Variants in SRD5A3 observed in about 807,000 individuals in gnomAD.
SRD5A3 encodes the protein polyprenal reductase.
SRD5A3 carries 24 observed loss-of-function variants against 34.3 expected under a neutral mutation model. That is an observed-to-expected ratio of 0.70 (90% CI 0.51 to 0.99). The LOEUF is 0.99. Among genes scored for constraint, SRD5A3 ranks in the 50% least tolerant of loss-of-function variants. The probability of loss-of-function intolerance (pLI) is 0.00; values close to 1 mark genes in which losing one functional copy is unlikely to be tolerated. For missense variants in SRD5A3, 350 were observed against 388.2 expected (o/e 0.90, Z 0.83); for synonymous variants, 161 against 167.3 (o/e 0.96, Z 0.29).
At chr4:55,349,125 C>T (rs1719097933) in intron 1 of SRD5A3, among the ~76,000 whole-genome samples, 1 of 152,112 alleles carries the variant, frequency 6.6e-6, no homozygotes, top group South Asian at 2.1e-4. Context: ...ACCTCTGCCT[C>T]CTGGGTTCAA....
rs775018405 is a variant in SRD5A3 at position 55,359,421 on chromosome 4, C to G, written c.297C>G (p.Phe99Leu). 3.7e-6 allele frequency: 6 copies of G among 1,613,810 alleles called. No homozygotes were observed. The African/African-American group carries it at 8.0e-5, about 22-fold the overall frequency. The change falls in exon 2 of 5, where the codon TTC (phenylalanine) becomes TTG (leucine). Residue 99 changes from phenylalanine to leucine, a missense_variant. Phe to Leu is a conservative substitution (Grantham distance 22, BLOSUM62 0). This residue lies in a region of SRD5A3 where 159 missense variants were observed against 149.1 expected (regional missense o/e 1.07). Transcript: ENST00000264228. Reference protein sequence around the residue: ...FLLWCLTQSLFLGAPFPSWLH... With the variant: ...FLLWCLTQSLLLGAPFPSWLH... Reference sequence around the variant, plus strand: ...TTTGGTGCCTTACTCAATCTCTGTTCCTGGGAGCACCTTTTCCAAGCTGGC... The same window carrying G: ...TTTGGTGCCTTACTCAATCTCTGTTGCTGGGAGCACCTTTTCCAAGCTGGC...
In SRD5A3 at chr4:55,372,498, C is replaced by G. The variant is rs1406590379; in HGVS notation, c.*2407C>G. 1 of 152,148 alleles carries G rather than the reference C, an allele frequency of 6.6e-6. No homozygotes were observed. Among genetic ancestry groups the G allele is most frequent in the Non-Finnish European group, 1.5e-5 (1 of 68,028 alleles). 9.4% of individuals were successfully genotyped at this position (152,148 alleles called of 1,614,324 possible). On this transcript the variant is annotated 3_prime_UTR_variant, in exon 5 of 5. Transcript: ENST00000264228. ...ATGTCCTGAAAGGGGTTCAGAACAA[C>G]GTAGCATGGCCTTTGGTGAAAGCGT...
At chr4:55,346,603 G>C in intron 1 of SRD5A3, 46 bp downstream of exon 1, 1 of 1,493,678 alleles carries the variant, frequency 6.7e-7, no homozygotes, top group Middle Eastern at 1.9e-4. Flanking sequence ...GGCGCTGAGA[G>C]TTCGGGGCGC....
At chr4:55,364,053 C>T in intron 2 of SRD5A3, 21 bp from the exon 3 acceptor site, 1 of 1,613,584 alleles carries the variant, frequency 6.2e-7, no homozygotes, top group Non-Finnish European at 8.5e-7. Flanking sequence ...AATGCTGACC[C>T]TGTTGCCTTC....
At position 55,372,508 on chromosome 4, in the gene SRD5A3, C is replaced by T. The variant is rs1720164269; in HGVS notation, c.*2417C>T. On this transcript the variant is annotated 3_prime_UTR_variant, in exon 5 of 5. Coordinates refer to ENST00000264228, the MANE Select transcript of SRD5A3 (RefSeq NM_024592.5). ...AGGGGTTCAGAACAACGTAGCATGGCCTTTGGTGAAAGCGTCACCGATGGG... is the reference window on the plus strand; with the variant it reads ...AGGGGTTCAGAACAACGTAGCATGGTCTTTGGTGAAAGCGTCACCGATGGG... 1 of 152,138 alleles carries T rather than the reference C, an allele frequency of 6.6e-6. No homozygotes were observed. The highest frequency in any genetic ancestry group is 6.6e-5 in the Admixed American group (1 of 15,246). 9.4% of individuals were successfully genotyped at this position (152,138 alleles called of 1,614,324 possible).
At chr4:55,361,434 A>G (rs1476383239) in intron 2 of SRD5A3, among the ~76,000 whole-genome samples, 1 of 148,622 alleles carries the variant, frequency 6.7e-6, no homozygotes, top group Non-Finnish European at 1.5e-5. Context: ...GTGAGCCAAG[A>G]TTGTAACGTT....
chr4:55,346,612 G>T (rs1294008393), intron 1 of SRD5A3, 55 bp downstream of exon 1: 3 of 1,458,430 alleles, frequency 2.1e-6, no homozygotes, highest in Non-Finnish European at 2.7e-6. Flanking sequence ...AGTTCGGGGC[G>T]CCCCGGCTCG....
At chr4:55,355,513 A>T (rs1238351859) in intron 1 of SRD5A3, among the ~76,000 whole-genome samples, 1 of 152,128 alleles carries the variant, frequency 6.6e-6, no homozygotes, top group African/African-American at 2.4e-5. Flanking sequence ...AGCAAAACAA[A>T]ATGTGGGAAT....
In SRD5A3 at chr4:55,371,585, T is replaced by G. The variant is rs184650116; in HGVS notation, c.*1494T>G. ...TATGATTAATAAGACACATATCAAATGCATAGTCAATCATTCCCACCCCCA... is the reference window on the plus strand; with the variant it reads ...TATGATTAATAAGACACATATCAAAGGCATAGTCAATCATTCCCACCCCCA... On this transcript the variant is annotated 3_prime_UTR_variant, in exon 5 of 5. Transcript: ENST00000264228. 1 of 152,328 alleles carries G rather than the reference T, an allele frequency of 6.6e-6. No homozygotes were observed. Among genetic ancestry groups the G allele is most frequent in the Non-Finnish European group, 1.5e-5 (1 of 68,030 alleles). 9.4% of individuals were successfully genotyped at this position (152,328 alleles called of 1,614,324 possible).
chr4:55,349,075 C>T (rs1719093971), intron 1 of SRD5A3, among the ~76,000 whole-genome samples: 1 of 152,184 alleles, frequency 6.6e-6, no homozygotes, highest in Non-Finnish European at 1.5e-5. Context: ...CGCTCTGTCG[C>T]CCAGGCTGGA....
intron 2 of SRD5A3, among the ~76,000 whole-genome samples, chr4:55,362,118 T>G (rs890407985): frequency 6.6e-6 from 1 of 151,332 alleles, no homozygotes; most frequent in Non-Finnish European, 1.5e-5. Context: ...GTGCTGTTCG[T>G]GTTCTGTTTC....
At position 55,346,600 on chromosome 4, in the gene SRD5A3, A is replaced by G. The variant is rs763638599; in HGVS notation, c.221+43A>G. ...CCGAGCCGCGGTGGTCAAGGCGCTG[A>G]GAGTTCGGGGCGCCCCGGCTCGCGG... On this transcript the variant is annotated intron_variant, in intron 1 of 4. Transcript: ENST00000264228. The G allele has an allele frequency of 8.4e-5, 127 of 1,514,598 alleles. No homozygotes were observed. In the African/African-American group the frequency reaches 1.4e-3, roughly 17 times the overall value. 93.8% of individuals were successfully genotyped at this position (1,514,598 alleles called of 1,614,324 possible).
intron 1 of SRD5A3, among the ~76,000 whole-genome samples, chr4:55,355,424 C>T (rs888410464): frequency 2.0e-5 from 3 of 150,754 alleles, no homozygotes; most frequent in African/African-American, 4.9e-5. Context: ...TGCCACTGCA[C>T]TCCAGCCTGG....
At chr4:55,367,248 T>C (rs1419844687) in intron 3 of SRD5A3, 2 of 374,252 alleles carry the variant, frequency 5.3e-6, no homozygotes, top group East Asian at 5.8e-5. Context: ...TAGATCACAG[T>C]AGGGGAGCTG....
intron 1 of SRD5A3, chr4:55,352,184 AAGGTTGGT>A: frequency 1.1e-6 from 1 of 909,202 alleles, no homozygotes; most frequent in Admixed American, 1.7e-5. Context: ...AAAGTTGATA[AAGGTTGGT>A]ATCAATGAGG....
At chr4:55,346,741 C>T (rs1483086027) in intron 1 of SRD5A3, among the ~76,000 whole-genome samples, 184 bp downstream of exon 1, 1 of 152,156 alleles carries the variant, frequency 6.6e-6, no homozygotes, top group Non-Finnish European at 1.5e-5. Context: ...TGCTGCGTGG[C>T]TCCGGGGAGC....
At chr4:55,368,108 G>A (rs1349549750) in intron 4 of SRD5A3, among the ~76,000 whole-genome samples, 2 of 152,128 alleles carry the variant, frequency 1.3e-5, no homozygotes, top group African/African-American at 2.4e-5. Context: ...CAGGCGCAGT[G>A]GCTCACGCCT....
intron 2 of SRD5A3, 150 bp downstream of exon 2, chr4:55,359,638 A>G (rs1287641496): frequency 9.4e-7 from 1 of 1,059,412 alleles, no homozygotes; most frequent in African/African-American, 1.6e-5. Flanking sequence ...AGAGCTTTGC[A>G]CGGTTCATTG....
At chr4:55,359,617 G>A in intron 2 of SRD5A3, 129 bp downstream of exon 2, 1 of 1,268,660 alleles carries the variant, frequency 7.9e-7, no homozygotes. Context: ...AGTGGAGGAT[G>A]AGGGCAAAAA....
Sources: gnomAD v4.1 joint callset for allele counts (sites outside exome capture counted in the v4.1 genomes callset) on GRCh38, gnomAD v4.1.1 for gene constraint, gnomAD v4.1.1 regional missense constraint, MANE v1.5 for transcripts, NCBI Gene and HGNC (gene_info 2026-07-23, HGNC 2026-07-21) for gene names.